NUBPL: variants seen among roughly 807,000 people sequenced by gnomAD.
NUBPL encodes iron-sulfur cluster transfer protein NUBPL.
A neutral mutation model predicts 45.7 loss-of-function variants in NUBPL; 31 were observed. The observed-to-expected ratio is 0.68, with a 90% CI of 0.51 to 0.92. NUBPL has a LOEUF of 0.92. Ranked by LOEUF, NUBPL falls within the 40% of genes least tolerant of loss-of-function variation. The pLI is 0.00. For synonymous variants in NUBPL, 144 were observed against 140.9 expected, an observed-to-expected ratio of 1.02 and a Z score of -0.15; for missense variants, 401 against 398.7, an observed-to-expected ratio of 1.01 and a Z score of -0.05.
intron 7 of NUBPL, 138 bp downstream of exon 7, chr14:31,788,011 G>A: frequency 1.6e-6 from 1 of 640,638 alleles, no homozygotes; most frequent in Non-Finnish European, 2.8e-6. Context: ...TTAGAGATCA[G>A]AAGCATAAAT....
intron 6 of NUBPL, among the ~76,000 whole-genome samples, chr14:31,773,197 C>T (rs2039040368): frequency 6.6e-6 from 1 of 152,056 alleles, no homozygotes; most frequent in Non-Finnish European, 1.5e-5. Flanking sequence ...TAAAATGTTG[C>T]ATGATTTTAC....
chr14:31,609,095 A>G (rs533085684), intron 4 of NUBPL, among the ~76,000 whole-genome samples: 2 of 152,282 alleles, frequency 1.3e-5, no homozygotes, highest in South Asian at 2.1e-4. Context: ...AGTAATAACA[A>G]TGGACTAAAC....
chr14:31,690,236 G>A (rs2037062021), intron 6 of NUBPL, among the ~76,000 whole-genome samples: 2 of 152,206 alleles, frequency 1.3e-5, no homozygotes, highest in East Asian at 1.9e-4. Context: ...CTATAAAGCT[G>A]CTAACCTCTG....
rs374828382 is a variant in NUBPL, at chr14:31,856,371, A to G, written c.898-2747A>G. ...ACACATGGGAATTGTGGGAGTTACAATTGAAGATGAGATTTGGGTGGGGAC... is the reference window on the plus strand; with the variant it reads ...ACACATGGGAATTGTGGGAGTTACAGTTGAAGATGAGATTTGGGTGGGGAC... On this transcript the variant is annotated intron_variant, in intron 10 of 10. Transcript: ENST00000281081. Among the ~76,000 whole-genome samples, 18 of 152,214 alleles carry G rather than the reference A, an allele frequency of 1.2e-4. No individual in the cohort carries two copies. In the East Asian group the frequency reaches 2.5e-3, roughly 21 times the overall value.
chr14:31,644,425 C>T (rs7157048), intron 4 of NUBPL, among the ~76,000 whole-genome samples: 5,139 of 152,094 alleles, frequency 0.034, 270 homozygotes, highest in African/African-American at 0.12. Flanking sequence ...TCATTCTGGA[C>T]ATGTTGTTTA....
At chr14:31,822,258 A>G (rs2040030212) in intron 7 of NUBPL, among the ~76,000 whole-genome samples, 2 of 152,160 alleles carry the variant, frequency 1.3e-5, no homozygotes, top group Non-Finnish European at 2.9e-5. Context: ...TGATGTGGTT[A>G]TTACACATTG....
intron 7 of NUBPL, among the ~76,000 whole-genome samples, chr14:31,807,344 G>C (rs1047781961): frequency 1.3e-5 from 2 of 152,042 alleles, no homozygotes; most frequent in Non-Finnish European, 2.9e-5. Context: ...TCTCATTGTG[G>C]TTTTGATTTG....
chr14:31,693,801 A>T (rs1462183266), intron 6 of NUBPL, among the ~76,000 whole-genome samples: 7 of 20,772 alleles, frequency 3.4e-4, no homozygotes, highest in African/African-American at 8.3e-4. Context: ...AGACAAAATT[A>T]AAAAAAAAAA....
intron 8 of NUBPL, among the ~76,000 whole-genome samples, chr14:31,842,172 C>T (rs747478138): frequency 6.6e-6 from 1 of 151,606 alleles, no homozygotes; most frequent in South Asian, 2.1e-4. Context: ...ATGATCCGCC[C>T]GTCTTGGCCT....
At chr14:31,640,294 C>T (rs1197855566) in intron 4 of NUBPL, among the ~76,000 whole-genome samples, 2 of 152,190 alleles carry the variant, frequency 1.3e-5, no homozygotes, top group South Asian at 4.2e-4. Context: ...ACCTAACCAC[C>T]ATACTTATGA....
At chr14:31,654,032 A>G (rs542198811) in intron 4 of NUBPL, 10 of 445,678 alleles carry the variant, frequency 2.2e-5, no homozygotes, top group South Asian at 9.5e-5. Flanking sequence ...CTTTGCTACT[A>G]TAGCACTAAC....
intron 6 of NUBPL, among the ~76,000 whole-genome samples, chr14:31,693,143 A>G (rs544391978): frequency 2.6e-4 from 40 of 152,314 alleles, no homozygotes; most frequent in Non-Finnish European, 4.7e-4. Flanking sequence ...ATTATACCCA[A>G]TGATTTTAAA....
At chr14:31,639,271 A>G (rs2035606587) in intron 4 of NUBPL, among the ~76,000 whole-genome samples, 2 of 152,110 alleles carry the variant, frequency 1.3e-5, no homozygotes, top group African/African-American at 4.8e-5. Context: ...TTTGGTGCGG[A>G]TGTCCTTTCT....
chr14:31,827,835 G>A lies in NUBPL; in HGVS notation c.693+1121G>A, dbSNP rs566811250. 1.9e-4 allele frequency among the ~76,000 whole-genome samples: 29 copies of A among 152,308 alleles called. No homozygotes were observed. The East Asian group carries it at 2.1e-3, about 11-fold the overall frequency. ...ATCCAGTAATGTATTTGAATGAATG[G>A]ACTTGAAGGGAAGCTTTCATAAATG... On this transcript the variant is annotated intron_variant, in intron 8 of 10. Transcript: ENST00000281081.
intron 7 of NUBPL, among the ~76,000 whole-genome samples, chr14:31,791,991 T>C (rs187766652): frequency 6.6e-6 from 1 of 152,350 alleles, no homozygotes; most frequent in Non-Finnish European, 1.5e-5. Context: ...AGGTGTTATA[T>C]GATTTCTATT....
Position 31,793,887 on chromosome 14 carries a change from G to A in NUBPL, c.607+6014G>A, listed in dbSNP as rs1239152103. On this transcript the variant is annotated intron_variant, in intron 7 of 10. Coordinates refer to ENST00000281081, the MANE Select transcript of NUBPL (RefSeq NM_025152.3). ...CAATGCTATCCCTCCCCCCTCCCCC[G>A]ACCCCACCACAGTCCCCAGAGTGTG... 3.5e-4 allele frequency among the ~76,000 whole-genome samples: 23 copies of A among 66,514 alleles called. 1 individual carries two copies. In the East Asian group the frequency reaches 6.6e-3, roughly 19 times the overall value. 43.6% of individuals were successfully genotyped at this position (66,514 alleles called of 152,430 possible).
In NUBPL at chr14:31,597,443, GA is replaced by G. The variant is rs529020609; in HGVS notation, c.292-1844del. Among the ~76,000 whole-genome samples, 54 of 152,234 alleles carry G rather than the reference GA, an allele frequency of 3.5e-4. 1 individual carries two copies. In the East Asian group the frequency reaches 9.3e-3, roughly 26 times the overall value. On this transcript the variant is annotated intron_variant, in intron 3 of 10. Transcript: ENST00000281081. ...TTTAGGCAAGCTTGGTATTCTTCTA[GA>G]AGCAGGATAGATGATAGATCTTTCC... is the stretch of plus-strand genomic sequence containing the variant.
intron 3 of NUBPL, among the ~76,000 whole-genome samples, chr14:31,567,991 G>A (rs1303671163): frequency 6.6e-6 from 1 of 152,126 alleles, no homozygotes; most frequent in African/African-American, 2.4e-5. Flanking sequence ...TGTGGTTATG[G>A]TTTTATTTAG....
At chr14:31,774,558 A>G (rs970119408) in intron 6 of NUBPL, among the ~76,000 whole-genome samples, 2 of 152,182 alleles carry the variant, frequency 1.3e-5, no homozygotes, top group African/African-American at 2.4e-5. Context: ...TCATAACACC[A>G]TATTCTTTAT....
Sources: allele counts gnomAD v4.1 joint callset (sites outside exome capture counted in the v4.1 genomes callset), GRCh38; gene constraint gnomAD v4.1.1; transcripts MANE v1.5; gene names NCBI Gene and HGNC (gene_info 2026-07-23, HGNC 2026-07-21).